Variants in SHANK2 observed in about 807,000 individuals in gnomAD.
SHANK2 encodes SH3 and multiple ankyrin repeat domains protein 2.
Under a neutral mutation model 133.7 loss-of-function variants are expected in SHANK2, and 43 were observed. The observed-to-expected ratio is 0.32, with a 90% CI of 0.25 to 0.41. SHANK2 has a LOEUF of 0.41. Ranked by LOEUF, SHANK2 falls within the 10% of genes least tolerant of loss-of-function variation. SHANK2 has a pLI of 1.00. For synonymous variants in SHANK2, 1,017 were observed against 952.8 expected, an observed-to-expected ratio of 1.07 and a Z score of -1.24; for missense variants, 1,994 against 2,235.8, an observed-to-expected ratio of 0.89 and a Z score of 2.18.
intron 17 of SHANK2, among the ~76,000 whole-genome samples, chr11:70,619,315 G>A (rs1309627175): frequency 1.3e-5 from 2 of 152,182 alleles, no homozygotes; most frequent in Admixed American, 6.5e-5. Context: ...GGCTCCTTCC[G>A]AAAGCTCTCA....
chr11:71,224,461 G>A (rs924869509), intron 2 of SHANK2, among the ~76,000 whole-genome samples: 3 of 152,212 alleles, frequency 2.0e-5, no homozygotes, highest in South Asian at 2.1e-4. Context: ...CTCAGAGCAC[G>A]GTCCAGTAGC....
chr11:70,659,993 G>T (rs1555012842), intron 16 of SHANK2, 41 bp from the exon 17 acceptor site: 2 of 1,613,916 alleles, frequency 1.2e-6, no homozygotes, highest in South Asian at 2.2e-5. Flanking sequence ...CCTGGGAGAT[G>T]TCTTCCAAGT....
intron 14 of SHANK2, among the ~76,000 whole-genome samples, chr11:70,731,926 G>A (rs1490566074): frequency 2.6e-5 from 4 of 152,116 alleles, no homozygotes; most frequent in Non-Finnish European, 4.4e-5. Flanking sequence ...GTGTGGCCAG[G>A]CTCTCCAGAT....
chr11:70,754,608 G>A (rs1555038265), intron 14 of SHANK2, among the ~76,000 whole-genome samples: 2 of 152,210 alleles, frequency 1.3e-5, no homozygotes, highest in African/African-American at 4.8e-5. Context: ...GGAACTTGTG[G>A]CCCATGCCTT....
chr11:70,520,530 C>T (rs1183138459), intron 17 of SHANK2, among the ~76,000 whole-genome samples: 2 of 152,190 alleles, frequency 1.3e-5, no homozygotes, highest in Admixed American at 6.5e-5. Flanking sequence ...CAAGACTTTT[C>T]GCTGTTGGTG....
At chr11:70,760,837 G>T (rs1946981909) in intron 14 of SHANK2, among the ~76,000 whole-genome samples, 1 of 152,220 alleles carries the variant, frequency 6.6e-6, no homozygotes, top group Admixed American at 6.5e-5. Context: ...GTCAGTGTAG[G>T]AAGGCTCCCG....
At chr11:70,544,993 C>A (rs1160909887) in intron 17 of SHANK2, among the ~76,000 whole-genome samples, 1 of 152,132 alleles carries the variant, frequency 6.6e-6, no homozygotes, top group East Asian at 1.9e-4. Context: ...CGGTGGACCT[C>A]GGGAGCTTCT....
At chr11:70,721,939 T>A (rs1476753016) in intron 14 of SHANK2, among the ~76,000 whole-genome samples, 1 of 152,170 alleles carries the variant, frequency 6.6e-6, no homozygotes, top group Non-Finnish European at 1.5e-5. Flanking sequence ...GCTCACCAAT[T>A]CCCCCAAATG....
intron 12 of SHANK2, among the ~76,000 whole-genome samples, chr11:70,818,483 T>A (rs1455225578): frequency 6.6e-6 from 1 of 152,244 alleles, no homozygotes; most frequent in Non-Finnish European, 1.5e-5. Context: ...CTGGCCACGC[T>A]GCCTTTGCTG....
chr11:71,124,096 T>C (rs1462331494), intron 3 of SHANK2, among the ~76,000 whole-genome samples: 10 of 145,708 alleles, frequency 6.9e-5, no homozygotes, highest in African/African-American at 2.6e-4. Flanking sequence ...ATGGCGATGA[T>C]AGTGATCATG....
intron 10 of SHANK2, chr11:70,950,066 CT>C (rs1232408558): frequency 2.2e-6 from 1 of 456,566 alleles, no homozygotes; most frequent in South Asian, 1.5e-5. Context: ...GCCTTCAGCC[CT>C]TTTTTTGGAG....
At chr11:71,181,866 A>C (rs1590995434) in intron 2 of SHANK2, among the ~76,000 whole-genome samples, 1 of 129,562 alleles carries the variant, frequency 7.7e-6, no homozygotes, top group African/African-American at 2.9e-5. Context: ...CCGAATCTCC[A>C]GGGGAACAAG....
chr11:71,067,748 T>C (rs1951084463), intron 9 of SHANK2, among the ~76,000 whole-genome samples: 3 of 151,812 alleles, frequency 2.0e-5, no homozygotes, highest in Non-Finnish European at 4.4e-5. Context: ...ATCGTCACTA[T>C]CACCGTCGCC....
At chr11:70,697,234 T>C (rs782067241) in intron 15 of SHANK2, among the ~76,000 whole-genome samples, 4 of 152,212 alleles carry the variant, frequency 2.6e-5, no homozygotes, top group Non-Finnish European at 4.4e-5. Context: ...ACCACTAAAC[T>C]AGTGATTCAC....
intron 17 of SHANK2, among the ~76,000 whole-genome samples, chr11:70,528,936 C>T (rs1318186789): frequency 6.6e-6 from 1 of 152,138 alleles, no homozygotes; most frequent in Non-Finnish European, 1.5e-5. Context: ...GGGGAGGCCC[C>T]CGTGACGATT....
intron 21 of SHANK2, among the ~76,000 whole-genome samples, chr11:70,499,131 A>C (rs573013511): frequency 6.6e-6 from 1 of 152,194 alleles, no homozygotes; most frequent in Non-Finnish European, 1.5e-5. Context: ...TGCATCCACT[A>C]TGTGCCCCGC....
intron 17 of SHANK2, among the ~76,000 whole-genome samples, chr11:70,572,623 G>C (rs1554983328): frequency 6.6e-6 from 1 of 152,200 alleles, no homozygotes; most frequent in Admixed American, 6.5e-5. Context: ...CGGCTTCACA[G>C]AAGACACAGG....
chr11:71,114,517 A>G (rs1038631147), intron 4 of SHANK2, among the ~76,000 whole-genome samples: 10 of 152,304 alleles, frequency 6.6e-5, no homozygotes, highest in Non-Finnish European at 8.8e-5. Context: ...GCACAGACTG[A>G]TACTTGTGGG....
intron 11 of SHANK2, among the ~76,000 whole-genome samples, chr11:70,837,308 C>T (rs544434241): frequency 9.2e-5 from 14 of 152,276 alleles, no homozygotes; most frequent in Admixed American, 7.2e-4. Flanking sequence ...CTCACCCACA[C>T]GGGCCCTGTC....
Sources: allele counts gnomAD v4.1 joint callset (sites outside exome capture counted in the v4.1 genomes callset), GRCh38; gene constraint gnomAD v4.1.1; transcripts MANE v1.5; gene names NCBI Gene and HGNC (gene_info 2026-07-23, HGNC 2026-07-21).